The following ZSCAN5A variants were observed in gnomAD, a reference collection of about 807,000 sequenced individuals.
ZSCAN5A encodes zinc finger and SCAN domain-containing protein 5A.
ZSCAN5A carries 12 observed loss-of-function variants against 23.7 expected under a neutral mutation model. The ratio of observed to expected loss-of-function variants is 0.51; its 90% confidence interval spans 0.32 to 0.82. The LOEUF is 0.82. ZSCAN5A is among the 40% of genes least tolerant of loss of function. The probability of loss-of-function intolerance (pLI) is 0.03; values close to 1 mark genes in which losing one functional copy is unlikely to be tolerated. For missense variants in ZSCAN5A, 597 were observed against 617.9 expected (o/e 0.97, Z 0.36); for synonymous variants, 257 against 239.9 (o/e 1.07, Z -0.66).
At chr19:56,260,433 C>A (rs945134941) in intron 2 of ZSCAN5A, among the ~76,000 whole-genome samples, 11 of 151,882 alleles carry the variant, frequency 7.2e-5, no homozygotes, top group African/African-American at 2.4e-5. Context: ...AGGCTGGTCT[C>A]GAACTCTCGA....
Position 56,223,715 on chromosome 19 carries a change from C to A in ZSCAN5A, c.504G>T (p.Ser168=), listed in dbSNP as rs201727637. Residue 168 remains serine (S), a synonymous_variant, in exon 4 of 6, where the codon TCG becomes TCT. Coordinates refer to ENST00000683990, the MANE Select transcript of ZSCAN5A (RefSeq NM_001322064.3). ...LKDVSSQRAS[S]VNQMRPGEGQ... is the part of the protein sequence containing the mutation. The stretch of plus-strand genomic sequence containing the variant: ...CTTCCCCTGGACGCATCTGGTTCAC[C>A]GAGGAGGCCCGTTGGCTGGACACGT... 41 of 1,613,836 alleles carry A rather than the reference C, an allele frequency of 2.5e-5. No homozygotes were observed. Among genetic ancestry groups the A allele is most frequent in the Non-Finnish European group, 3.1e-5 (37 of 1,180,004 alleles).
At chr19:56,349,619 C>T (rs1046731517) in intron 2 of ZSCAN5A, among the ~76,000 whole-genome samples, 3 of 144,734 alleles carry the variant, frequency 2.1e-5, no homozygotes, top group East Asian at 2.1e-4. Flanking sequence ...GCAGGAGAAT[C>T]GCTTGAACCC....
chr19:56,307,585 G>T (rs1032782989), intron 2 of ZSCAN5A, among the ~76,000 whole-genome samples: 1 of 152,056 alleles, frequency 6.6e-6, no homozygotes, highest in African/African-American at 2.4e-5. Context: ...CTTTTACCCC[G>T]TATCTTGCAG....
intron 1 of ZSCAN5A, among the ~76,000 whole-genome samples, chr19:56,364,514 G>GT (rs2041753129): frequency 6.6e-6 from 1 of 152,176 alleles, no homozygotes; most frequent in Admixed American, 6.5e-5. Flanking sequence ...TAGTGAACAT[G>GT]TTATATGGTA....
At chr19:56,232,818 A>G (rs2034580398) in intron 2 of ZSCAN5A, among the ~76,000 whole-genome samples, 2 of 151,984 alleles carry the variant, frequency 1.3e-5, no homozygotes, top group African/African-American at 4.8e-5. Flanking sequence ...AGCTGCGACC[A>G]CAGGTGTGCA....
At chr19:56,343,429 A>G in intron 2 of ZSCAN5A, 1 of 510,562 alleles carries the variant, frequency 2.0e-6, no homozygotes, top group South Asian at 1.5e-5. Flanking sequence ...TGGTACGAAA[A>G]AATCAAAATG....
At chr19:56,324,785 A>G (rs2041417590) in intron 2 of ZSCAN5A, among the ~76,000 whole-genome samples, 2 of 152,258 alleles carry the variant, frequency 1.3e-5, no homozygotes, top group Admixed American at 1.3e-4. Context: ...AACAATGGTC[A>G]CCAAGTCCTG....
At chr19:56,223,857 C>T (rs1437955914) in intron 3 of ZSCAN5A, 23 bp from the exon 4 acceptor site, 3 of 1,598,982 alleles carry the variant, frequency 1.9e-6, no homozygotes, top group African/African-American at 2.7e-5. Context: ...AAAAGACAAT[C>T]AGACTCACCA....
intron 2 of ZSCAN5A, among the ~76,000 whole-genome samples, chr19:56,326,495 C>T (rs2041435637): frequency 6.6e-6 from 1 of 152,084 alleles, no homozygotes; most frequent in Admixed American, 6.6e-5. Flanking sequence ...ACCCTCCACC[C>T]CTGGTAACTG....
At chr19:56,350,010 G>A (rs2041658033) in intron 2 of ZSCAN5A, among the ~76,000 whole-genome samples, 1 of 152,192 alleles carries the variant, frequency 6.6e-6, no homozygotes, top group Admixed American at 6.5e-5. Context: ...TGCCACTCTT[G>A]TGAAAATTGT....
chr19:56,273,108 G>T (rs950895407), intron 2 of ZSCAN5A, among the ~76,000 whole-genome samples: 1 of 152,148 alleles, frequency 6.6e-6, no homozygotes, highest in African/African-American at 2.4e-5. Flanking sequence ...CCCTGCCCTT[G>T]GAGATACACT....
intron 2 of ZSCAN5A, chr19:56,243,978 C>A (rs1600072639): frequency 7.8e-6 from 5 of 642,286 alleles, no homozygotes; most frequent in South Asian, 2.0e-5. Context: ...CTAGATAGGT[C>A]TCAATTAGAC....
At position 56,222,150 on chromosome 19, in the gene ZSCAN5A, A is replaced by G; in HGVS notation, c.916T>C (p.Ser306Pro). ...CCTTGAGGCTCTTCTTGGGAAATGGAGGAGGCATCTGGTTTGCTTCTTTTG... is the reference window on the plus strand; with the variant it reads ...CCTTGAGGCTCTTCTTGGGAAATGGGGGAGGCATCTGGTTTGCTTCTTTTG... ...SPKRSKPDAS[S>P]ISQEEPQGEA... Residue 306 changes from serine to proline, a missense_variant, in exon 6 of 6, where the codon TCC becomes CCC. This residue lies in a region of ZSCAN5A where 406 missense variants were observed against 353.2 expected (regional missense o/e 1.15). Transcript: ENST00000683990. 1.2e-6 allele frequency: 2 copies of G among 1,613,962 alleles called. No homozygotes were observed. Among genetic ancestry groups the G allele is most frequent in the Non-Finnish European group, 8.5e-7 (1 of 1,180,006 alleles).
At chr19:56,232,072 C>G (rs1273120050) in intron 2 of ZSCAN5A, among the ~76,000 whole-genome samples, 1 of 147,634 alleles carries the variant, frequency 6.8e-6, no homozygotes, top group Non-Finnish European at 1.5e-5. Context: ...ACTGCAGCCT[C>G]AACTTCTCAG....
chr19:56,246,456 A>G (rs754408752), intron 2 of ZSCAN5A: 1 of 587,726 alleles, frequency 1.7e-6, no homozygotes, highest in South Asian at 2.3e-5. Flanking sequence ...CTCAGCTTCC[A>G]AACGGTCCTA....
chr19:56,222,511 G>T (rs374400679), intron 5 of ZSCAN5A, 80 bp downstream of exon 5: 1 of 1,568,964 alleles, frequency 6.4e-7, no homozygotes, highest in South Asian at 1.2e-5. Flanking sequence ...ACTCCCCCAG[G>T]GGATGATAAT....
intron 2 of ZSCAN5A, among the ~76,000 whole-genome samples, chr19:56,232,798 C>G (rs1440224758): frequency 1.3e-5 from 2 of 152,178 alleles, no homozygotes; most frequent in African/African-American, 4.8e-5. Context: ...CTCACCTCAG[C>G]TTCCCCAGTA....
chr19:56,223,935 A>G, intron 3 of ZSCAN5A, 101 bp from the exon 4 acceptor site: 2 of 1,103,806 alleles, frequency 1.8e-6, no homozygotes, highest in Non-Finnish European at 2.6e-6. Context: ...ACTGTAATTA[A>G]TGTTCAAATC....
At chr19:56,360,375 G>C (rs576183034) in intron 2 of ZSCAN5A, among the ~76,000 whole-genome samples, 34 of 152,264 alleles carry the variant, frequency 2.2e-4, no homozygotes, top group Non-Finnish European at 4.0e-4. Context: ...AAGGGGAAGT[G>C]AAGGACCTCT....
Sources: allele counts gnomAD v4.1 joint callset (sites outside exome capture counted in the v4.1 genomes callset), GRCh38; gene constraint gnomAD v4.1.1; regional missense constraint gnomAD v4.1.1; transcripts MANE v1.5; gene names NCBI Gene and HGNC (gene_info 2026-07-23, HGNC 2026-07-21).